Variants in RHOU observed in about 807,000 individuals in gnomAD.
RHOU encodes the protein rho-related GTP-binding protein RhoU.
In RHOU, 8 loss-of-function variants were observed where a neutral mutation model predicts 12.6. The observed-to-expected ratio is 0.64, with a 90% CI of 0.37 to 1.15. The LOEUF is 1.15. Ranked by LOEUF, RHOU falls within the 50% of genes most tolerant of loss-of-function variation. The probability of loss-of-function intolerance (pLI) is 0.01; values close to 1 mark genes in which losing one functional copy is unlikely to be tolerated. For synonymous variants in RHOU, 161 were observed against 147.4 expected (o/e 1.09, Z -0.67); for missense variants, 258 against 347.0 (o/e 0.74, Z 2.04).
chr1:228,709,045 A>T, the RHOU span, among the ~76,000 whole-genome samples: 1 of 152,122 alleles, frequency 6.6e-6, no homozygotes, highest in Non-Finnish European at 1.5e-5. Flanking sequence ...ACCAACAAAG[A>T]TCAAAAGAGA....
the RHOU span, among the ~76,000 whole-genome samples, chr1:228,716,956 G>A: frequency 2.6e-5 from 4 of 152,058 alleles, no homozygotes; most frequent in Admixed American, 6.6e-5. Context: ...CTTTGACAAA[G>A]AGAGTTCATT....
In RHOU at chr1:228,746,065, A is replaced by T. The variant is rs1662828930; in HGVS notation, c.*2325A>T. 1 of 152,210 alleles carries T rather than the reference A, an allele frequency of 6.6e-6. No homozygotes were observed. Among genetic ancestry groups the T allele is most frequent in the African/African-American group, 2.4e-5 (1 of 41,458 alleles). 9.4% of individuals were successfully genotyped at this position (152,210 alleles called of 1,614,324 possible). A position where few individuals can be genotyped will look rare whatever the true frequency, so the allele number is the denominator to read the frequency against. On this transcript the variant is annotated 3_prime_UTR_variant, in exon 3 of 3. Transcript: ENST00000366691. Reference sequence around the variant, plus strand: ...TTGAATTTTAAGTGGGGTTGATAACACCTTGGACTGTTAGTGTTAAAAATC... The same window carrying T: ...TTGAATTTTAAGTGGGGTTGATAACTCCTTGGACTGTTAGTGTTAAAAATC...
chr1:228,658,647 A>C, the RHOU span, among the ~76,000 whole-genome samples: 1 of 152,246 alleles, frequency 6.6e-6, no homozygotes, highest in Admixed American at 6.5e-5. Context: ...ATTCTTAAAC[A>C]ACCAATGGGT....
At chr1:228,649,652 A>C in the RHOU span, among the ~76,000 whole-genome samples, 27 of 152,320 alleles carry the variant, frequency 1.8e-4, no homozygotes, top group African/African-American at 6.3e-4. Context: ...TATTTTGGCA[A>C]GCTTTCCCGG....
At chr1:228,707,182 A>AATATATAT in the RHOU span, among the ~76,000 whole-genome samples, 1 of 93,220 alleles carries the variant, frequency 1.1e-5, no homozygotes, top group Non-Finnish European at 1.9e-5. Context: ...ATATTAACAA[A>AATATATAT]ATATATATAT....
chr1:228,714,301 T>C, the RHOU span, among the ~76,000 whole-genome samples: 14 of 152,334 alleles, frequency 9.2e-5, no homozygotes, highest in African/African-American at 3.1e-4. Flanking sequence ...TATTTTTTTC[T>C]GCTCTGTAAC....
the RHOU span, among the ~76,000 whole-genome samples, chr1:228,725,503 G>A: frequency 1.3e-5 from 2 of 152,124 alleles, no homozygotes; most frequent in African/African-American, 4.8e-5. Context: ...GGCTCACAGA[G>A]CCCATTAGAG....
the RHOU span, among the ~76,000 whole-genome samples, chr1:228,729,952 T>A: frequency 6.6e-6 from 1 of 152,260 alleles, no homozygotes; most frequent in Non-Finnish European, 1.5e-5. Flanking sequence ...ACCATGACAC[T>A]AACTGATGTT....
At chr1:228,647,321 C>T in the RHOU span, among the ~76,000 whole-genome samples, 3 of 152,174 alleles carry the variant, frequency 2.0e-5, no homozygotes, top group Non-Finnish European at 4.4e-5. Flanking sequence ...TGCAGTGGGC[C>T]CCGAGATTTG....
chr1:228,650,712 T>C, the RHOU span: 3 of 476,424 alleles, frequency 6.3e-6, no homozygotes, highest in South Asian at 1.6e-5. Context: ...GGAAAGCTAG[T>C]AGTGCTAAAC....
At chr1:228,686,999 CA>C in the RHOU span, among the ~76,000 whole-genome samples, 1 of 152,070 alleles carries the variant, frequency 6.6e-6, no homozygotes, top group African/African-American at 2.4e-5. Context: ...CTCAGCCTCC[CA>C]AAGTGCTAGG....
the RHOU span, among the ~76,000 whole-genome samples, chr1:228,651,849 A>G: frequency 3.3e-5 from 5 of 152,226 alleles, no homozygotes; most frequent in Admixed American, 3.3e-4. Context: ...TAAGCTGATC[A>G]CCATCTAGTC....
At chr1:228,688,495 GCTCTATTATTTAACCCCTC>G in the RHOU span, among the ~76,000 whole-genome samples, 1 of 152,122 alleles carries the variant, frequency 6.6e-6, no homozygotes, top group Admixed American at 6.5e-5. Context: ...TTAGCATCGT[GCTCTATTATTTAACCCCTC>G]CTTCCATTCC....
At chr1:228,671,830 G>C in the RHOU span, among the ~76,000 whole-genome samples, 1 of 150,966 alleles carries the variant, frequency 6.6e-6, no homozygotes, top group African/African-American at 2.4e-5. Flanking sequence ...ATCCATATTT[G>C]TACCAGGTAT....
In RHOU at chr1:228,737,767, A is replaced by AAAC; in HGVS notation, c.321+38_321+40dup. ...CGTTACAGCTCAGTGCTGGGAAAGG[A>AAAC]AACAGCCTTTTAAAGATTTCCAAAT... On this transcript the variant is annotated intron_variant, in intron 2 of 2. Coordinates refer to ENST00000366691, the MANE Select transcript of RHOU (RefSeq NM_021205.6). The surrounding 1 kb of genome is among the most constrained non-coding windows in gnomAD (Gnocchi z 4.1). 1 of 1,604,772 alleles carries AAAC rather than the reference A, an allele frequency of 6.2e-7. No homozygotes were observed. The highest frequency in any genetic ancestry group is 8.5e-7 in the Non-Finnish European group (1 of 1,171,488).
chr1:228,720,565 A>G, the RHOU span, among the ~76,000 whole-genome samples: 205 of 152,306 alleles, frequency 1.3e-3, 1 homozygote, highest in Middle Eastern at 0.01. Context: ...AGACACATAC[A>G]AAGGAAGGAC....
chr1:228,691,682 A>C, the RHOU span, among the ~76,000 whole-genome samples: 1 of 152,304 alleles, frequency 6.6e-6, no homozygotes, highest in African/African-American at 2.4e-5. Context: ...AGTTTTGGCA[A>C]TTATGAATAA....
the RHOU span, among the ~76,000 whole-genome samples, chr1:228,675,876 A>G: frequency 2.0e-5 from 3 of 152,132 alleles, no homozygotes; most frequent in Non-Finnish European, 2.9e-5. Flanking sequence ...GCAGCCCAGG[A>G]TACACTTTCA....
chr1:228,698,421 GT>G, the RHOU span, among the ~76,000 whole-genome samples: 1 of 152,176 alleles, frequency 6.6e-6, no homozygotes, highest in Non-Finnish European at 1.5e-5. Flanking sequence ...TTATCTATGT[GT>G]AACCAGAAGT....
Sources: gnomAD v4.1 joint callset for allele counts (sites outside exome capture counted in the v4.1 genomes callset) on GRCh38, gnomAD v4.1.1 for gene constraint, Gnocchi (gnomAD v3.1) non-coding constraint, MANE v1.5 for transcripts, NCBI Gene and HGNC (gene_info 2026-07-23, HGNC 2026-07-21) for gene names.